Variants in LHFPL2 observed in about 807,000 individuals in gnomAD.
LHFPL2 encodes LHFPL tetraspan subfamily member 2.
Under a neutral mutation model 17.5 loss-of-function variants are expected in LHFPL2, and 7 were observed. The observed-to-expected ratio is 0.40, with a 90% CI of 0.23 to 0.75. The LOEUF (loss-of-function observed/expected upper bound fraction) is 0.75, where lower values mean the gene tolerates loss of function less well. LHFPL2 is among the 30% of genes least tolerant of loss of function. The probability of loss-of-function intolerance (pLI) is 0.37; values close to 1 mark genes in which losing one functional copy is unlikely to be tolerated. For synonymous variants in LHFPL2, 134 were observed against 116.2 expected (o/e 1.15, Z -0.99); for missense variants, 241 against 294.8 (o/e 0.82, Z 1.34).
At chr5:78,500,718 T>C (rs967077413) in intron 4 of LHFPL2, among the ~76,000 whole-genome samples, 1 of 152,132 alleles carries the variant, frequency 6.6e-6, no homozygotes, top group East Asian at 1.9e-4. Flanking sequence ...TTTTGCCCAA[T>C]AATGATCACT....
intron 2 of LHFPL2, among the ~76,000 whole-genome samples, chr5:78,566,033 T>C (rs1051732343): frequency 6.6e-6 from 1 of 152,226 alleles, no homozygotes; most frequent in African/African-American, 2.4e-5. Flanking sequence ...GCATTTTGAG[T>C]TCATGAGATA....
intron 2 of LHFPL2, among the ~76,000 whole-genome samples, chr5:78,579,756 G>C (rs1743026562): frequency 6.6e-6 from 1 of 152,096 alleles, no homozygotes; most frequent in Non-Finnish European, 1.5e-5. Context: ...TTGGACATTT[G>C]GGTTGGTTCC....
intron 4 of LHFPL2, among the ~76,000 whole-genome samples, chr5:78,500,491 T>G (rs977027220): frequency 6.6e-6 from 1 of 151,976 alleles, no homozygotes; most frequent in Admixed American, 6.6e-5. Context: ...ACACCGAGGG[T>G]TGGGGGGAGG....
chr5:78,551,720 T>C lies in LHFPL2; in HGVS notation c.-186+13093A>G, dbSNP rs185146770. 1.3e-5 allele frequency among the ~76,000 whole-genome samples: 2 copies of C among 152,256 alleles called. 1 individual carries two copies. Among genetic ancestry groups the C allele is most frequent in the Admixed American group, 1.3e-4 (2 of 15,292 alleles). ...AAACTAGAATCCCACTTCCCCAAGG[T>C]GGGTTATAGAAGCCAGAACCCCCTT... is the stretch of plus-strand genomic sequence containing the variant. On this transcript the variant is annotated intron_variant, in intron 3 of 4. Transcript: ENST00000380345.
intron 2 of LHFPL2, among the ~76,000 whole-genome samples, chr5:78,580,943 G>C (rs554577829): frequency 1.6e-3 from 245 of 152,260 alleles, no homozygotes; most frequent in African/African-American, 5.8e-3. Context: ...TGGGCAGTAT[G>C]GCCATTTTCA....
chr5:78,550,719 C>T (rs1756415115), intron 3 of LHFPL2, among the ~76,000 whole-genome samples: 1 of 152,118 alleles, frequency 6.6e-6, no homozygotes, highest in Non-Finnish European at 1.5e-5. Context: ...TACAGGTTCC[C>T]ACCACCAGGC....
At chr5:78,594,370 G>A (rs139559194) in intron 2 of LHFPL2, among the ~76,000 whole-genome samples, 1 of 152,284 alleles carries the variant, frequency 6.6e-6, no homozygotes, top group East Asian at 1.9e-4. Flanking sequence ...TTAACTATTA[G>A]CTATTCACTG....
chr5:78,564,018 G>A (rs1166648768), intron 3 of LHFPL2, among the ~76,000 whole-genome samples: 1 of 152,196 alleles, frequency 6.6e-6, no homozygotes, highest in Non-Finnish European at 1.5e-5. Context: ...CGGTATCTGT[G>A]AAAATGCTGT....
intron 4 of LHFPL2, among the ~76,000 whole-genome samples, chr5:78,503,773 C>T (rs1168860678): frequency 2.6e-5 from 4 of 152,186 alleles, no homozygotes; most frequent in African/African-American, 7.2e-5. Context: ...ACTTGCTTTT[C>T]AGCAGTCATT....
At chr5:78,515,453 T>A (rs1253847111) in intron 3 of LHFPL2, among the ~76,000 whole-genome samples, 1 of 152,218 alleles carries the variant, frequency 6.6e-6, no homozygotes, top group Non-Finnish European at 1.5e-5. Context: ...GCTTGGCCGA[T>A]CTCTGTTTTC....
intron 2 of LHFPL2, among the ~76,000 whole-genome samples, chr5:78,566,253 G>A (rs1756856679): frequency 6.6e-6 from 1 of 152,180 alleles, no homozygotes; most frequent in Admixed American, 6.5e-5. Flanking sequence ...ATGCAGGTAA[G>A]TAGCTTAATA....
chr5:78,486,809 G>A lies in LHFPL2; in HGVS notation c.*2088C>T, dbSNP rs115342262. The A allele has an allele frequency of 3.7e-4, 56 of 152,306 alleles. 1 individual carries two copies. Among genetic ancestry groups the A allele is most frequent in the African/African-American group, 1.3e-3 (55 of 41,568 alleles). The allele number at this position is 152,306 out of a possible 1,614,324, so 9.4% of individuals were successfully genotyped here. ...TGGACATGCTCGGAGGATCCTGTGA[G>A]CTTAGGACTTAACTTGTAAGGACAC... is the stretch of plus-strand genomic sequence containing the variant. On this transcript the variant is annotated 3_prime_UTR_variant, in exon 5 of 5. Transcript: ENST00000380345.
Position 78,488,912 on chromosome 5 carries a change from C to CA in LHFPL2, c.671dup (p.Ile225AspfsTer16). On this transcript the variant is annotated frameshift_variant, in exon 5 of 5. Transcript: ENST00000380345. LOFTEE classifies it high-confidence loss of function. ...CTCTTCCAAACTAAAGGAGGCAGAT[C>CA]AGATTTTTCCCCTCTTCAATTTCTT... 6.2e-7 allele frequency: 1 copy of CA among 1,614,068 alleles called. No individual in the cohort carries two copies. The highest frequency in any genetic ancestry group is 8.5e-7 in the Non-Finnish European group (1 of 1,179,946).
intron 4 of LHFPL2, among the ~76,000 whole-genome samples, chr5:78,507,306 G>C (rs1420726638): frequency 6.6e-6 from 1 of 151,564 alleles, no homozygotes; most frequent in Non-Finnish European, 1.5e-5. Context: ...TTCCAAGCTG[G>C]GCAACAGAAT....
At chr5:78,546,712 G>C (rs1044183217) in intron 3 of LHFPL2, among the ~76,000 whole-genome samples, 1 of 152,166 alleles carries the variant, frequency 6.6e-6, no homozygotes, top group Non-Finnish European at 1.5e-5. Context: ...CACAGTCTGC[G>C]TCTTCTGTGT....
At position 78,591,962 on chromosome 5, in the gene LHFPL2, C is replaced by T. The variant is rs1313296985; in HGVS notation, c.-244-27091G>A. 3.9e-5 allele frequency among the ~76,000 whole-genome samples: 6 copies of T among 152,192 alleles called. No individual in the cohort carries two copies. The East Asian group carries it at 1.2e-3, about 29-fold the overall frequency. Reference sequence around the variant, plus strand: ...GGTTGACAGGTCTGAGAACTGATTCCTAGAGACAGAGCTGGCGCAGGAGGG... The same window carrying T: ...GGTTGACAGGTCTGAGAACTGATTCTTAGAGACAGAGCTGGCGCAGGAGGG... On this transcript the variant is annotated intron_variant, in intron 2 of 4. Coordinates refer to ENST00000380345, the MANE Select transcript of LHFPL2 (RefSeq NM_005779.3).
At chr5:78,503,069 A>T (rs1392198864) in intron 4 of LHFPL2, among the ~76,000 whole-genome samples, 1 of 152,234 alleles carries the variant, frequency 6.6e-6, no homozygotes, top group African/African-American at 2.4e-5. Context: ...GAGCTCATAA[A>T]TGTGGCTGAC....
chr5:78,646,135 G>T (rs551235223), intron 1 of LHFPL2, among the ~76,000 whole-genome samples: 1 of 152,260 alleles, frequency 6.6e-6, no homozygotes, highest in East Asian at 1.9e-4. Context: ...CCACATCTGG[G>T]TTCTACCTCT....
chr5:78,609,450 CAAAAAAAAAAA>C (rs71613975), intron 2 of LHFPL2, among the ~76,000 whole-genome samples: 6 of 40,684 alleles, frequency 1.5e-4, no homozygotes, highest in East Asian at 1.0e-3. Context: ...GACTCAGTCT[CAAAAAAAAAAA>C]AAAAAAAAAA....
Sources: allele counts gnomAD v4.1 joint callset (sites outside exome capture counted in the v4.1 genomes callset), GRCh38; gene constraint gnomAD v4.1.1; transcripts MANE v1.5; gene names NCBI Gene and HGNC (gene_info 2026-07-23, HGNC 2026-07-21).